LRP1B: variants seen among roughly 807,000 people sequenced by gnomAD.
LRP1B encodes low-density lipoprotein receptor-related protein 1B.
A neutral mutation model predicts 556.6 loss-of-function variants in LRP1B; 217 were observed. The observed-to-expected ratio is 0.39, with a 90% CI of 0.35 to 0.44. The LOEUF (loss-of-function observed/expected upper bound fraction) is 0.44. Ranked by LOEUF, LRP1B falls within the 20% of genes least tolerant of loss-of-function variation. The probability of loss-of-function intolerance (pLI) is 1.00; values close to 1 mark genes in which losing one functional copy is unlikely to be tolerated. For synonymous variants in LRP1B, 2,047 were observed against 1,865.8 expected, an observed-to-expected ratio of 1.10 and a Z score of -2.50; for missense variants, 5,053 against 5,620.8, an observed-to-expected ratio of 0.90 and a Z score of 3.23.
intron 11 of LRP1B, among the ~76,000 whole-genome samples, chr2:141,028,783 T>C (rs961162154): frequency 5.3e-5 from 8 of 152,148 alleles, no homozygotes; most frequent in African/African-American, 1.9e-4. Flanking sequence ...GTTTGCTCTA[T>C]AGTTAATATG....
chr2:141,579,433 A>G (rs1396487062), intron 2 of LRP1B, among the ~76,000 whole-genome samples: 2 of 152,024 alleles, frequency 1.3e-5, no homozygotes, highest in African/African-American at 4.8e-5. Flanking sequence ...ATTTTTTTTG[A>G]AAGAAAGAAG....
At chr2:141,199,845 G>A (rs923826442) in intron 6 of LRP1B, among the ~76,000 whole-genome samples, 1 of 152,040 alleles carries the variant, frequency 6.6e-6, no homozygotes, top group African/African-American at 2.4e-5. Context: ...CTGACCACTG[G>A]AGAAATGCAA....
chr2:141,484,656 T>C (rs549515972), intron 2 of LRP1B, among the ~76,000 whole-genome samples: 33 of 152,228 alleles, frequency 2.2e-4, no homozygotes, highest in Middle Eastern at 3.4e-3. Context: ...TGGTTTGTAG[T>C]TCTCCTTGAA....
chr2:141,870,641 G>A (rs1698553210), intron 1 of LRP1B, among the ~76,000 whole-genome samples: 5 of 151,798 alleles, frequency 3.3e-5, no homozygotes, highest in Admixed American at 3.3e-4. Context: ...CAAGAATAAG[G>A]GGAACCAAGT....
intron 23 of LRP1B, among the ~76,000 whole-genome samples, chr2:140,888,908 A>G (rs1042018702): frequency 2.0e-5 from 3 of 149,342 alleles, no homozygotes; most frequent in African/African-American, 7.5e-5. Context: ...GGTTGCAGTG[A>G]GCCTAGATCA....
chr2:140,694,110 A>G (rs1247220240), intron 41 of LRP1B, among the ~76,000 whole-genome samples: 1 of 152,240 alleles, frequency 6.6e-6, no homozygotes, highest in Admixed American at 6.5e-5. Flanking sequence ...TAGTTAAAAC[A>G]AAACATCAGA....
intron 83 of LRP1B, among the ~76,000 whole-genome samples, chr2:140,304,025 T>C (rs939811884): frequency 5.3e-5 from 8 of 152,222 alleles, no homozygotes; most frequent in Non-Finnish European, 7.3e-5. Context: ...TTCCATAGTG[T>C]ATATGTGCCA....
At chr2:140,604,662 C>T (rs914891919) in intron 41 of LRP1B, among the ~76,000 whole-genome samples, 34 of 152,040 alleles carry the variant, frequency 2.2e-4, no homozygotes, top group Admixed American at 9.8e-4. Flanking sequence ...GGTATTCATC[C>T]GGCTAGGAAA....
intron 3 of LRP1B, among the ~76,000 whole-genome samples, chr2:141,306,065 TTGTC>T (rs756394639): frequency 5.1e-4 from 77 of 152,266 alleles, no homozygotes; most frequent in Middle Eastern, 3.4e-3. Context: ...TGTTGTATCT[TTGTC>T]TGGTTTTGGT....
At chr2:141,086,980 GA>G (rs923603214) in intron 7 of LRP1B, among the ~76,000 whole-genome samples, 1 of 152,110 alleles carries the variant, frequency 6.6e-6, no homozygotes, top group Non-Finnish European at 1.5e-5. Flanking sequence ...AAATGGGCTA[GA>G]AAAAAAGTGT....
intron 2 of LRP1B, among the ~76,000 whole-genome samples, chr2:141,583,399 C>A (rs1170785480): frequency 1.3e-5 from 2 of 151,916 alleles, no homozygotes; most frequent in Non-Finnish European, 2.9e-5. Context: ...TGGGAAAATA[C>A]AAGAAGTTTT....
intron 1 of LRP1B, among the ~76,000 whole-genome samples, chr2:142,129,622 CTCTCTCTCT>C (rs1707779581): frequency 9.3e-6 from 1 of 107,338 alleles, no homozygotes; most frequent in Admixed American, 9.9e-5. Context: ...CTCTCTCTCT[CTCTCTCTCT>C]TATTTAAACT....
intron 81 of LRP1B, among the ~76,000 whole-genome samples, chr2:140,323,639 CAG>C (rs1159464853): frequency 6.6e-6 from 1 of 151,708 alleles, no homozygotes; most frequent in East Asian, 1.9e-4. Context: ...AACAGAATAA[CAG>C]ATTATTGTAA....
chr2:141,455,204 G>T (rs1367276104), intron 3 of LRP1B, among the ~76,000 whole-genome samples: 1 of 151,286 alleles, frequency 6.6e-6, no homozygotes, highest in East Asian at 1.9e-4. Flanking sequence ...ATCAATTATG[G>T]AATGAATCTG....
intron 43 of LRP1B, among the ~76,000 whole-genome samples, chr2:140,550,517 T>A (rs1680509602): frequency 6.6e-6 from 1 of 152,160 alleles, no homozygotes; most frequent in Non-Finnish European, 1.5e-5. Context: ...GAGTTCTTTC[T>A]TAAGTTCTCT....
intron 20 of LRP1B, among the ~76,000 whole-genome samples, chr2:140,941,407 AAGG>A (rs1487965763): frequency 6.6e-6 from 1 of 152,130 alleles, no homozygotes; most frequent in African/African-American, 2.4e-5. Flanking sequence ...ATGGGTGAAG[AAGG>A]AGGACATTGG....
At chr2:141,675,548 G>A (rs1690843617) in intron 2 of LRP1B, among the ~76,000 whole-genome samples, 1 of 151,528 alleles carries the variant, frequency 6.6e-6, no homozygotes, top group Non-Finnish European at 1.5e-5. Context: ...TTTAAAATGA[G>A]GATAATGACA....
At chr2:140,532,948 A>AT (rs56837031) in intron 47 of LRP1B, among the ~76,000 whole-genome samples, 3 of 42,282 alleles carry the variant, frequency 7.1e-5, no homozygotes, top group East Asian at 1.2e-3. Flanking sequence ...ATATATATAT[A>AT]CACATATATA....
intron 6 of LRP1B, among the ~76,000 whole-genome samples, chr2:141,189,661 A>C (rs1182570425): frequency 6.6e-6 from 1 of 151,956 alleles, no homozygotes; most frequent in East Asian, 1.9e-4. Context: ...AAAAAATTCC[A>C]TATTTATGCT....
Sources: allele counts gnomAD v4.1 joint callset (sites outside exome capture counted in the v4.1 genomes callset), GRCh38; gene constraint gnomAD v4.1.1; transcripts MANE v1.5; gene names NCBI Gene and HGNC (gene_info 2026-07-23, HGNC 2026-07-21).